CAMSAP1: variants seen among roughly 807,000 people sequenced by gnomAD.
The protein encoded by CAMSAP1 is calmodulin regulated spectrin associated protein 1.
Under a neutral mutation model 143.5 loss-of-function variants are expected in CAMSAP1, and 58 were observed. The observed-to-expected ratio is 0.40, with a 90% CI of 0.33 to 0.50. The LOEUF (loss-of-function observed/expected upper bound fraction) is 0.50, where lower values mean the gene tolerates loss of function less well. CAMSAP1 is among the 20% of genes least tolerant of loss of function. The probability of loss-of-function intolerance (pLI) is 0.45; values close to 1 mark genes in which losing one functional copy is unlikely to be tolerated. For missense variants in CAMSAP1, 1,969 were observed against 2,115.7 expected (o/e 0.93, Z 1.36); for synonymous variants, 945 against 859.3 (o/e 1.10, Z -1.74).
chr9:135,879,139 A>G (rs1837848007), intron 3 of CAMSAP1, among the ~76,000 whole-genome samples: 1 of 152,176 alleles, frequency 6.6e-6, no homozygotes, highest in African/African-American at 2.4e-5. Flanking sequence ...TGTAATTGCC[A>G]TTTGTCACAA....
Position 135,821,898 on chromosome 9 carries a change from C to T in CAMSAP1, c.2763G>A (p.Lys921=). The T allele has an allele frequency of 6.2e-7, 1 of 1,613,956 alleles. No individual in the cohort carries two copies. Among genetic ancestry groups the T allele is most frequent in the Non-Finnish European group, 8.5e-7 (1 of 1,179,902 alleles). ...GKAAFLHVVK[K]GKAEAAPPLR... The stretch of plus-strand genomic sequence containing the variant: ...GGGGTGGGGCAGCCTCGGCCTTGCC[C>T]TTCTTCACCACATGCAGGAATGCAG... Residue 921 remains lysine (K), a synonymous_variant, in exon 11 of 17, where the codon AAG becomes AAA. Transcript: ENST00000389532. The surrounding 1 kb of genome is among the most constrained non-coding windows in gnomAD (Gnocchi z 4.6).
intron 1 of CAMSAP1, among the ~76,000 whole-genome samples, chr9:135,892,098 G>A (rs1010263422): frequency 1.3e-5 from 2 of 152,264 alleles, no homozygotes; most frequent in African/African-American, 4.8e-5. Context: ...AAAAGTATAT[G>A]AATAAATATG....
intron 1 of CAMSAP1, among the ~76,000 whole-genome samples, chr9:135,901,522 G>A (rs1838616737): frequency 6.6e-6 from 1 of 152,154 alleles, no homozygotes; most frequent in Admixed American, 6.5e-5. Flanking sequence ...GCTGAGGTGG[G>A]AGGATCACTT....
chr9:135,859,952 C>T (rs1219662900), intron 5 of CAMSAP1, among the ~76,000 whole-genome samples: 2 of 151,098 alleles, frequency 1.3e-5, no homozygotes, highest in East Asian at 2.0e-4. Flanking sequence ...CGTATGGAAT[C>T]CCAGCACTTT....
At chr9:135,825,128 C>T (rs1043799216) in intron 8 of CAMSAP1, among the ~76,000 whole-genome samples, 12 of 152,080 alleles carry the variant, frequency 7.9e-5, no homozygotes, top group Non-Finnish European at 1.3e-4. Flanking sequence ...CAGCTTCCCA[C>T]GGGAAAAGCA....
Position 135,822,246 on chromosome 9 carries a change from G to A in CAMSAP1, c.2415C>T (p.Val805=), listed in dbSNP as rs769414244. Residue 805 remains valine, a synonymous_variant, in exon 11 of 17, where the codon GTC becomes GTT. Transcript: ENST00000389532. The surrounding 1 kb of genome is among the most constrained non-coding windows in gnomAD (Gnocchi z 6.1). ...TCTTCACGCTCCCACTCGCCATGGAGACACTGCTCATCTGAGAGGCTGTGC... is the reference window on the plus strand; with the variant it reads ...TCTTCACGCTCCCACTCGCCATGGAAACACTGCTCATCTGAGAGGCTGTGC... The part of the protein sequence containing the change: ...CLSTASQMSS[V]SMASGSVKMT... The A allele has an allele frequency of 1.2e-6, 2 of 1,614,010 alleles. No homozygotes were observed. Among genetic ancestry groups the A allele is most frequent in the Non-Finnish European group, 8.5e-7 (1 of 1,179,888 alleles).
At chr9:135,906,261 G>C (rs539949849) in intron 1 of CAMSAP1, among the ~76,000 whole-genome samples, 1 of 152,318 alleles carries the variant, frequency 6.6e-6, no homozygotes, top group South Asian at 2.1e-4. Flanking sequence ...AATATTTTAA[G>C]AATGCTTCAA....
intron 3 of CAMSAP1, among the ~76,000 whole-genome samples, chr9:135,879,922 G>A (rs570664032): frequency 4.0e-5 from 6 of 151,828 alleles, no homozygotes; most frequent in Admixed American, 1.3e-4. Flanking sequence ...CGTGGCTTAC[G>A]ACAGAAAGCA....
chr9:135,870,818 T>C (rs1245639926), intron 3 of CAMSAP1, among the ~76,000 whole-genome samples: 1 of 152,006 alleles, frequency 6.6e-6, no homozygotes, highest in African/African-American at 2.4e-5. Flanking sequence ...AATAAAAAAA[T>C]TTAAAAATCC....
chr9:135,836,962 T>C, intron 7 of CAMSAP1: 1 of 980,224 alleles, frequency 1.0e-6, no homozygotes, highest in African/African-American at 1.8e-5. Context: ...CACCACACAC[T>C]TTCTACCCAT....
At chr9:135,879,248 A>T (rs1837853659) in intron 3 of CAMSAP1, among the ~76,000 whole-genome samples, 1 of 152,190 alleles carries the variant, frequency 6.6e-6, no homozygotes, top group South Asian at 2.1e-4. Context: ...ATAGCATGGA[A>T]GGAAAATGAT....
At position 135,821,145 on chromosome 9, in the gene CAMSAP1, A is replaced by T; in HGVS notation, c.3516T>A (p.His1172Gln). 6.2e-7 allele frequency: 1 copy of T among 1,612,802 alleles called. No homozygotes were observed. Among genetic ancestry groups the T allele is most frequent in the South Asian group, 1.1e-5 (1 of 91,092 alleles). ...GKCLFDSYRL[H>Q]DESNQRTLTL... The stretch of plus-strand genomic sequence containing the variant: ...TAAGTGTCCGCTGATTGCTTTCATC[A>T]TGGAGCCTGTAACTGTCGAAGAGAC... Residue 1172 changes from histidine to glutamine, a missense_variant, in exon 11 of 17, where the codon CAT becomes CAA. Coordinates refer to ENST00000389532, the MANE Select transcript of CAMSAP1 (RefSeq NM_015447.4). This position sits in a 1 kb window ranked among gnomAD's most constrained non-coding sequence, Gnocchi z 4.6.
intron 16 of CAMSAP1, among the ~76,000 whole-genome samples, chr9:135,813,382 T>C (rs1165663955): frequency 3.9e-5 from 6 of 152,378 alleles, no homozygotes; most frequent in East Asian, 3.8e-4. Flanking sequence ...CAGCATATAA[T>C]GGGGTTTATT....
At chr9:135,893,829 C>A (rs913139223) in intron 1 of CAMSAP1, among the ~76,000 whole-genome samples, 2 of 152,202 alleles carry the variant, frequency 1.3e-5, no homozygotes, top group Non-Finnish European at 2.9e-5. Context: ...CTGGCCAGGA[C>A]AAAATGGCAC....
intron 7 of CAMSAP1, among the ~76,000 whole-genome samples, chr9:135,848,510 C>A (rs1438553178): frequency 6.6e-6 from 1 of 152,142 alleles, no homozygotes; most frequent in East Asian, 1.9e-4. Flanking sequence ...CCCAGACACA[C>A]ACACACACAC....
chr9:135,822,816 C>T lies in CAMSAP1; in HGVS notation c.1845G>A (p.Arg615=). Residue 615 remains arginine, a synonymous_variant, in exon 11 of 17, where the codon CGG becomes CGA. Transcript: ENST00000389532. This position sits in a 1 kb window ranked among gnomAD's most constrained non-coding sequence, Gnocchi z 6.1. ...CGATGCTCCTCGGTCTCCCTTCCCCCCGTTCATCCTCCTTGGTGATCACCT... is the reference window on the plus strand; with the variant it reads ...CGATGCTCCTCGGTCTCCCTTCCCCTCGTTCATCCTCCTTGGTGATCACCT... The part of the protein sequence containing the change: ...EKQVITKEDE[R]GEGRPRSIVS... 1.2e-6 allele frequency: 2 copies of T among 1,614,036 alleles called. No individual in the cohort carries two copies. Among genetic ancestry groups the T allele is most frequent in the Non-Finnish European group, 1.7e-6 (2 of 1,179,902 alleles).
intron 7 of CAMSAP1, among the ~76,000 whole-genome samples, chr9:135,827,872 A>C (rs28654588): frequency 0.16 from 23,850 of 152,252 alleles, 2,442 homozygotes; most frequent in East Asian, 0.35. Context: ...TAGCACCCGC[A>C]CAAAAGCCCT....
intron 4 of CAMSAP1, chr9:135,865,427 G>C: frequency 6.7e-7 from 1 of 1,502,626 alleles, no homozygotes; most frequent in Non-Finnish European, 9.1e-7. Context: ...TCCACGTGTG[G>C]ACGAGGTAAC....
In CAMSAP1 at chr9:135,881,492, C is replaced by CA. The variant is rs1837947167; in HGVS notation, c.585+140dup. On this transcript the variant is annotated intron_variant, in intron 3 of 16. Coordinates refer to ENST00000389532, the MANE Select transcript of CAMSAP1 (RefSeq NM_015447.4). ...TTTGCTTCTTTTTAACTACAGCAGA[C>CA]ACATTTCTGGACACAAAATATGACT... 1.2e-5 allele frequency: 11 copies of CA among 951,140 alleles called. No homozygotes were observed. In the Admixed American group the frequency reaches 2.4e-4, roughly 21 times the overall value. The allele number at this position is 951,140 out of a possible 1,614,324, so 58.9% of individuals were successfully genotyped here.
Sources: allele counts gnomAD v4.1 joint callset (sites outside exome capture counted in the v4.1 genomes callset), GRCh38; gene constraint gnomAD v4.1.1; non-coding constraint Gnocchi (gnomAD v3.1); transcripts MANE v1.5; gene names NCBI Gene and HGNC (gene_info 2026-07-23, HGNC 2026-07-21).